The following THSD7B variants were observed in gnomAD, a reference collection of about 807,000 sequenced individuals.
THSD7B encodes the protein thrombospondin type 1 domain containing 7B.
A neutral mutation model predicts 213.6 loss-of-function variants in THSD7B; 138 were observed. The observed-to-expected ratio is 0.65, with a 90% CI of 0.56 to 0.74. The LOEUF (loss-of-function observed/expected upper bound fraction) is 0.74. Ranked by LOEUF, THSD7B falls within the 30% of genes least tolerant of loss-of-function variation. The pLI, the probability that THSD7B is intolerant of heterozygous loss-of-function variation, is 0.00. For missense variants in THSD7B, 1,931 were observed against 1,991.5 expected, an observed-to-expected ratio of 0.97 and a Z score of 0.58; for synonymous variants, 742 against 687.0, an observed-to-expected ratio of 1.08 and a Z score of -1.25.
At chr2:137,623,179 C>T (rs943692119) in intron 20 of THSD7B, among the ~76,000 whole-genome samples, 13 of 152,200 alleles carry the variant, frequency 8.5e-5, no homozygotes, top group South Asian at 2.1e-4. Context: ...TCAACATATG[C>T]GAATCAATAA....
chr2:136,804,403 A>AACACACACACACACACACAC (rs3030361), intron 1 of THSD7B, among the ~76,000 whole-genome samples: 1 of 148,096 alleles, frequency 6.8e-6, no homozygotes, highest in Non-Finnish European at 1.5e-5. Context: ...ACACACACAT[A>AACACACACACACACACACAC]ACACACACAC....
intron 1 of THSD7B, among the ~76,000 whole-genome samples, chr2:136,841,325 G>C (rs1266892012): frequency 6.6e-6 from 1 of 152,126 alleles, no homozygotes; most frequent in Admixed American, 6.5e-5. Context: ...ACCGGGCGCA[G>C]TGGCTCATGA....
At chr2:137,489,953 C>A (rs1688568602) in intron 15 of THSD7B, among the ~76,000 whole-genome samples, 1 of 152,132 alleles carries the variant, frequency 6.6e-6, no homozygotes, top group South Asian at 2.1e-4. Context: ...AGAGAAAACA[C>A]TTGAGCAACT....
chr2:136,935,499 T>C (rs549601539), intron 2 of THSD7B, among the ~76,000 whole-genome samples: 1 of 152,192 alleles, frequency 6.6e-6, no homozygotes, highest in South Asian at 2.1e-4. Context: ...GATTTGAATA[T>C]GTTCTGAGAT....
intron 15 of THSD7B, among the ~76,000 whole-genome samples, chr2:137,518,534 A>G (rs1680117901): frequency 6.6e-6 from 1 of 152,220 alleles, no homozygotes; most frequent in Admixed American, 6.5e-5. Flanking sequence ...AGGTATGTGG[A>G]TGGAACTCTC....
chr2:136,944,982 A>G (rs1341209627), intron 2 of THSD7B, among the ~76,000 whole-genome samples: 2 of 152,058 alleles, frequency 1.3e-5, no homozygotes, highest in Non-Finnish European at 2.9e-5. Flanking sequence ...TCTTTGTAGC[A>G]TCGATGGTCT....
chr2:137,056,526 T>G lies in THSD7B; in HGVS notation c.246T>G (p.Gly82=). ...GGACAAGTCACCTGTCTAACTGTGG[T>G]GAGAGCAACAGGCCTCCAAAGGAAA... ...DGWTSHLSNC[G]ESNRPPKERS... The change falls in exon 3 of 28, where the codon GGT becomes GGG. Residue 82 remains glycine (G), a synonymous_variant. Transcript: ENST00000409968. 6.2e-7 allele frequency: 1 copy of G among 1,613,906 alleles called. No homozygotes were observed. Among genetic ancestry groups the G allele is most frequent in the Non-Finnish European group, 8.5e-7 (1 of 1,179,854 alleles).
intron 7 of THSD7B, among the ~76,000 whole-genome samples, chr2:137,205,053 T>G (rs1480520424): frequency 6.6e-6 from 1 of 152,032 alleles, no homozygotes; most frequent in Non-Finnish European, 1.5e-5. Flanking sequence ...TCTACCACAC[T>G]CATCCATTTC....
intron 2 of THSD7B, among the ~76,000 whole-genome samples, chr2:137,055,101 G>T (rs927558314): frequency 6.6e-6 from 1 of 152,180 alleles, no homozygotes; most frequent in Non-Finnish European, 1.5e-5. Flanking sequence ...TCCCTGTGAA[G>T]GACATGAACT....
At chr2:136,883,755 C>T (rs1297077423) in intron 2 of THSD7B, among the ~76,000 whole-genome samples, 1 of 152,142 alleles carries the variant, frequency 6.6e-6, no homozygotes, top group Non-Finnish European at 1.5e-5. Context: ...TAAAAACAAA[C>T]TCTACAGTGG....
chr2:137,499,342 A>G (rs533789026), intron 15 of THSD7B, among the ~76,000 whole-genome samples: 3 of 152,214 alleles, frequency 2.0e-5, no homozygotes, highest in Non-Finnish European at 4.4e-5. Flanking sequence ...AATTTTGTGA[A>G]ACTTTAAATA....
intron 1 of THSD7B, among the ~76,000 whole-genome samples, chr2:136,769,438 T>C (rs760929287): frequency 6.6e-6 from 1 of 152,178 alleles, no homozygotes; most frequent in African/African-American, 2.4e-5. Flanking sequence ...ACCCAATTAC[T>C]CCGTATCTTT....
At position 137,045,106 on chromosome 2, in the gene THSD7B, C is replaced by T. The variant is rs575173362; in HGVS notation, c.140-11314C>T. ...GCAACAGCAAAACTAGGATGAATTT[C>T]TTTTTCCTTCTTCATAATTTCACAG... On this transcript the variant is annotated intron_variant, in intron 2 of 27. Transcript: ENST00000409968. Among the ~76,000 whole-genome samples, 10 of 152,232 alleles carry T rather than the reference C, an allele frequency of 6.6e-5. No individual in the cohort carries two copies. The East Asian group carries it at 1.9e-3, about 29-fold the overall frequency.
chr2:137,098,018 G>C (rs896747752), intron 4 of THSD7B, among the ~76,000 whole-genome samples: 1 of 152,136 alleles, frequency 6.6e-6, no homozygotes, highest in African/African-American at 2.4e-5. Context: ...AAAGCATAGA[G>C]GCTATGTACT....
chr2:137,179,477 A>G (rs1680414651), intron 7 of THSD7B, among the ~76,000 whole-genome samples: 1 of 152,110 alleles, frequency 6.6e-6, no homozygotes, highest in Non-Finnish European at 1.5e-5. Context: ...AGTAATTTAT[A>G]CTGGTGGTAT....
At chr2:137,612,924 A>C (rs1187705286) in intron 17 of THSD7B, among the ~76,000 whole-genome samples, 1 of 152,184 alleles carries the variant, frequency 6.6e-6, no homozygotes, top group Non-Finnish European at 1.5e-5. Context: ...TACCCTTGTA[A>C]CAGTCACCCA....
chr2:136,828,871 C>T (rs568164401), intron 1 of THSD7B, among the ~76,000 whole-genome samples: 2 of 152,162 alleles, frequency 1.3e-5, no homozygotes, highest in African/African-American at 4.8e-5. Flanking sequence ...TGGTCTTCTC[C>T]TGTCAATGCC....
At chr2:137,236,372 G>C (rs917845764) in intron 9 of THSD7B, among the ~76,000 whole-genome samples, 1 of 152,190 alleles carries the variant, frequency 6.6e-6, no homozygotes, top group East Asian at 1.9e-4. Context: ...GTACAGGTGA[G>C]ACTGTTACCA....
intron 16 of THSD7B, among the ~76,000 whole-genome samples, chr2:137,566,359 G>T (rs1681239382): frequency 6.6e-6 from 1 of 152,148 alleles, no homozygotes; most frequent in Non-Finnish European, 1.5e-5. Flanking sequence ...AAAGTTTATT[G>T]TAAGTCTGTT....
Sources: allele counts gnomAD v4.1 joint callset (sites outside exome capture counted in the v4.1 genomes callset), GRCh38; gene constraint gnomAD v4.1.1; transcripts MANE v1.5; gene names NCBI Gene and HGNC (gene_info 2026-07-23, HGNC 2026-07-21).